Variants in BIN1 observed in about 807,000 individuals in gnomAD.
BIN1 encodes the protein myc box-dependent-interacting protein 1.
BIN1 carries 53 observed loss-of-function variants against 82.0 expected under a neutral mutation model. The ratio of observed to expected loss-of-function variants is 0.65; its 90% CI spans 0.52 to 0.81. The LOEUF (loss-of-function observed/expected upper bound fraction) is 0.81, where lower values mean the gene tolerates loss of function less well. BIN1 is among the 40% of genes least tolerant of loss of function. The pLI is 0.00. For synonymous variants in BIN1, 302 were observed against 328.0 expected (o/e 0.92, Z 0.86); for missense variants, 642 against 784.4 (o/e 0.82, Z 2.17).
chr2:127,061,477 T>TCACA (rs1320629538), intron 10 of BIN1, among the ~76,000 whole-genome samples: 1 of 151,948 alleles, frequency 6.6e-6, no homozygotes, highest in African/African-American at 2.4e-5. Flanking sequence ...ACAGTCCCCC[T>TCACA]CACACACACA....
rs369704619 is a variant in BIN1, at chr2:127,048,077, C to T, written c.*449G>A. The T allele has an allele frequency of 6.5e-4, 128 of 196,570 alleles. 2 individuals carry two copies. The South Asian group carries it at 0.012, about 18-fold the overall frequency. The allele number at this position is 196,570 out of a possible 1,614,324, so 12.2% of individuals were successfully genotyped here. ...TTTTTGTTTCATTTTGTTTTGAACACTAAGATTTATTTTCAAACAGCACAC... is the reference window on the plus strand; with the variant it reads ...TTTTTGTTTCATTTTGTTTTGAACATTAAGATTTATTTTCAAACAGCACAC... On this transcript the variant is annotated 3_prime_UTR_variant, in exon 19 of 19. Transcript: ENST00000316724.
chr2:127,079,244 G>A (rs1221703084), intron 1 of BIN1, among the ~76,000 whole-genome samples: 1 of 152,230 alleles, frequency 6.6e-6, no homozygotes, highest in Non-Finnish European at 1.5e-5. Flanking sequence ...GCAGCAGTGA[G>A]AAGACCCTTG....
At position 127,106,953 on chromosome 2, in the gene BIN1, G is replaced by T; in HGVS notation, c.-10C>A. The T allele has an allele frequency of 6.2e-7, 1 of 1,607,784 alleles. No homozygotes were observed. On this transcript the variant is annotated 5_prime_UTR_variant, in exon 1 of 19. It adds an upstream start codon to the 5' untranslated region. Coordinates refer to ENST00000316724, the MANE Select transcript of BIN1 (RefSeq NM_139343.3). ...TGCCCATCTCTGCCATCGCGGCGCA[G>T]GCCTCGCCCGGTGGCAGGGGCCGCT...
intron 1 of BIN1, among the ~76,000 whole-genome samples, 154 bp downstream of exon 1, chr2:127,106,706 G>A (rs1167560293): frequency 1.3e-5 from 2 of 152,180 alleles, no homozygotes; most frequent in African/African-American, 4.8e-5. Context: ...ACGCAGCCTG[G>A]GGACCTCGAA....
At chr2:127,066,355 G>A (rs1685154497) in intron 7 of BIN1, among the ~76,000 whole-genome samples, 1 of 152,154 alleles carries the variant, frequency 6.6e-6, no homozygotes, top group Non-Finnish European at 1.5e-5. Flanking sequence ...TCACCCTCTC[G>A]CTGCTCCCCC....
rs1256387316 is a variant in BIN1, at chr2:127,082,049, C to A, written c.85-5343G>T. 6.6e-6 allele frequency among the ~76,000 whole-genome samples: 1 copy of A among 152,126 alleles called. No homozygotes were observed. Among genetic ancestry groups the A allele is most frequent in the Non-Finnish European group, 1.5e-5 (1 of 68,020 alleles). ...CAGGGGGAAGGCCACTGTCAGACACCCGGCCAGGCTTTCTCTGGGCCCAGT... is the reference window on the plus strand; with the variant it reads ...CAGGGGGAAGGCCACTGTCAGACACACGGCCAGGCTTTCTCTGGGCCCAGT... On this transcript the variant is annotated intron_variant, in intron 1 of 18. Coordinates refer to ENST00000316724, the MANE Select transcript of BIN1 (RefSeq NM_139343.3). The surrounding 1 kb of genome is among the most constrained non-coding windows in gnomAD (Gnocchi z 6.1).
Position 127,059,280 on chromosome 2 carries a change from G to C in BIN1, c.858-125C>G. 3 of 1,063,132 alleles carry C rather than the reference G, an allele frequency of 2.8e-6. No homozygotes were observed. The highest frequency in any genetic ancestry group is 4.2e-6 in the Non-Finnish European group (3 of 722,106). 65.9% of individuals were successfully genotyped at this position (1,063,132 alleles called of 1,614,324 possible). A position where few individuals can be genotyped will look rare whatever the true frequency, so the allele number is the denominator to read the frequency against. On this transcript the variant is annotated intron_variant, in intron 10 of 18. Transcript: ENST00000316724. This position sits in a 1 kb window ranked among gnomAD's most constrained non-coding sequence, Gnocchi z 6.7. ...TATGGAGGTGTGAAACTGTGTGTGT[G>C]TGTGTGTGTGTGTATGTGAGAGAGA...
intron 2 of BIN1, among the ~76,000 whole-genome samples, chr2:127,072,620 T>C (rs1348227115): frequency 1.2e-5 from 1 of 85,166 alleles, no homozygotes; most frequent in African/African-American, 8.8e-5. Context: ...AGAGCATGTG[T>C]GAAAAAAAAA....
rs112318500 is a variant in BIN1 at position 127,050,500 on chromosome 2, G to A, written c.1595C>T (p.Thr532Met). 5.3e-3 allele frequency: 8,491 copies of A among 1,614,214 alleles called. 355 individuals are homozygous for A. In the African/African-American group the frequency reaches 0.099, roughly 19 times the overall value. ...MFKVQAQHDYTATDTDELQLK... is the reference protein window; with the variant it reads ...MFKVQAQHDYMATDTDELQLK... ...CTGCAGCTCGTCTGTGTCAGTGGCC[G>A]TGTAGTCGTGCTGGGCCTGTACCTG... The change falls in exon 18 of 19, where the codon ACG becomes ATG. Residue 532 changes from threonine to methionine, a missense_variant. Coordinates refer to ENST00000316724, the MANE Select transcript of BIN1 (RefSeq NM_139343.3).
intron 1 of BIN1, among the ~76,000 whole-genome samples, chr2:127,088,731 C>T (rs1678514198): frequency 1.3e-5 from 2 of 149,126 alleles, no homozygotes; most frequent in South Asian, 2.1e-4. Flanking sequence ...AGAGCAAGAC[C>T]GTATCTCTTA....
chr2:127,107,130 G>T lies in BIN1; in HGVS notation c.-187C>A. 2 of 571,384 alleles carry T rather than the reference G, an allele frequency of 3.5e-6. No homozygotes were observed. The highest frequency in any genetic ancestry group is 5.3e-6 in the Non-Finnish European group (2 of 378,402). 35.4% of individuals were successfully genotyped at this position (571,384 alleles called of 1,614,324 possible). A position where few individuals can be genotyped will look rare whatever the true frequency, so the allele number is the denominator to read the frequency against. ...GACGGGCGAGCGAGCCAGCGAGCTA[G>T]CCAGCGAGCGACGCGGGGACAGAGG... On this transcript the variant is annotated 5_prime_UTR_variant, in exon 1 of 19. Coordinates refer to ENST00000316724, the MANE Select transcript of BIN1 (RefSeq NM_139343.3). The surrounding 1 kb of genome is among the most constrained non-coding windows in gnomAD (Gnocchi z 5.9).
chr2:127,060,471 G>T, intron 10 of BIN1: 5 of 1,421,172 alleles, frequency 3.5e-6, no homozygotes, highest in South Asian at 2.3e-5. Flanking sequence ...CAGCCCTGCC[G>T]GGCAGCACTG....
chr2:127,088,886 A>C (rs540260440), intron 1 of BIN1, among the ~76,000 whole-genome samples: 4 of 152,230 alleles, frequency 2.6e-5, no homozygotes, highest in African/African-American at 9.6e-5. Context: ...AAGAAGGTAG[A>C]ACTCACTGGA....
At position 127,051,243 on chromosome 2, in the gene BIN1, G is replaced by A; in HGVS notation, c.1372C>T (p.Pro458Ser). 1 of 1,613,758 alleles carries A rather than the reference G, an allele frequency of 6.2e-7. No individual in the cohort carries two copies. Among genetic ancestry groups the A allele is most frequent in the Middle Eastern group, 1.6e-4 (1 of 6,062 alleles). The part of the protein sequence containing the change: ...SQTAEPGPAQ[P>S]AEASEVAGGT... ...CCCGCCACCTCCGAGGCCTCTGCTGGCTGCAACATAAATGCCGGCTTGGGG... is the reference window on the plus strand; with the variant it reads ...CCCGCCACCTCCGAGGCCTCTGCTGACTGCAACATAAATGCCGGCTTGGGG... The change falls in exon 16 of 19, where the codon CCA becomes TCA. Residue 458 changes from proline to serine, a missense_variant and splice_region_variant. Pro to Ser is a moderately conservative substitution (Grantham distance 74). Transcript: ENST00000316724.
intron 1 of BIN1, chr2:127,081,762 C>T: frequency 2.4e-6 from 3 of 1,275,740 alleles, no homozygotes; most frequent in Non-Finnish European, 3.1e-6. Flanking sequence ...GGGACCTCAT[C>T]CAGCAAATCT....
intron 1 of BIN1, among the ~76,000 whole-genome samples, chr2:127,092,139 C>A (rs1337061545): frequency 2.0e-5 from 3 of 152,192 alleles, no homozygotes; most frequent in African/African-American, 7.2e-5. Context: ...GTCCCTGCCC[C>A]TGCCCCAGGC....
chr2:127,054,878 C>T (rs1466057656), intron 12 of BIN1: 2 of 152,278 alleles, frequency 1.3e-5, no homozygotes, highest in Non-Finnish European at 2.9e-5. Context: ...CCTTAGAGCC[C>T]CCGGCACAGG....
chr2:127,090,378 C>T lies in BIN1; in HGVS notation c.85-13672G>A, dbSNP rs1285189900. 2.6e-5 allele frequency among the ~76,000 whole-genome samples: 4 copies of T among 152,356 alleles called. No individual in the cohort carries two copies. The highest frequency in any genetic ancestry group is 1.9e-4 in the East Asian group (1 of 5,182). On this transcript the variant is annotated intron_variant, in intron 1 of 18. Transcript: ENST00000316724. The surrounding 1 kb of genome is among the most constrained non-coding windows in gnomAD (Gnocchi z 6.4). ...CGCAGGCAGGCAGCAAGGGCATGGC[C>T]GCGGGGCATCAGTGACACAGGGCGA...
chr2:127,084,500 C>T (rs1272536812), intron 1 of BIN1, among the ~76,000 whole-genome samples: 1 of 152,266 alleles, frequency 6.6e-6, no homozygotes, highest in Non-Finnish European at 1.5e-5. Context: ...TGCACTGTCC[C>T]TGCCCCAGCC....
Sources: allele counts gnomAD v4.1 joint callset (sites outside exome capture counted in the v4.1 genomes callset), GRCh38; gene constraint gnomAD v4.1.1; non-coding constraint Gnocchi (gnomAD v3.1); transcripts MANE v1.5; gene names NCBI Gene and HGNC (gene_info 2026-07-23, HGNC 2026-07-21).